The following ROBO1 variants were observed in gnomAD, a reference collection of about 807,000 sequenced individuals.
ROBO1 encodes the protein roundabout guidance receptor 1.
Under a neutral mutation model 195.9 loss-of-function variants are expected in ROBO1, and 149 were observed. The observed-to-expected ratio is 0.76, with a 90% CI of 0.67 to 0.87. The LOEUF (loss-of-function observed/expected upper bound fraction) is 0.87, where lower values mean the gene tolerates loss of function less well. ROBO1 is among the 40% of genes least tolerant of loss of function. ROBO1 has a pLI of 0.00. For missense variants in ROBO1, 1,933 were observed against 2,068.3 expected (o/e 0.93, Z 1.27); for synonymous variants, 816 against 733.2 (o/e 1.11, Z -1.82).
chr3:79,046,363 G>C (rs2078592131), intron 3 of ROBO1, among the ~76,000 whole-genome samples: 1 of 152,092 alleles, frequency 6.6e-6, no homozygotes, highest in Non-Finnish European at 1.5e-5. Context: ...CCAACATCTT[G>C]AATGCAGCTT....
intron 4 of ROBO1, among the ~76,000 whole-genome samples, chr3:78,865,798 A>G (rs1347076812): frequency 6.6e-6 from 1 of 152,150 alleles, no homozygotes; most frequent in African/African-American, 2.4e-5. Flanking sequence ...TACTATACAT[A>G]TAACATATTG....
Position 79,511,920 on chromosome 3 carries a change from G to T in ROBO1, c.88+77904C>A, listed in dbSNP as rs1052205356. Reference sequence around the variant, plus strand: ...GAACAACACACACTGGGGCCTATCAGAGGGTAAAAGGTGAGAGGAGGGAGA... The same window carrying T: ...GAACAACACACACTGGGGCCTATCATAGGGTAAAAGGTGAGAGGAGGGAGA... On this transcript the variant is annotated intron_variant, in intron 2 of 30. Transcript: ENST00000464233. 2.6e-5 allele frequency among the ~76,000 whole-genome samples: 4 copies of T among 152,108 alleles called. No individual in the cohort carries two copies. The East Asian group carries it at 5.8e-4, about 22-fold the overall frequency.
At chr3:79,658,688 A>T (rs1238747528) in intron 1 of ROBO1, among the ~76,000 whole-genome samples, 1 of 152,064 alleles carries the variant, frequency 6.6e-6, no homozygotes, top group Non-Finnish European at 1.5e-5. Context: ...ATTGGGATAA[A>T]TGGGGTATCC....
At chr3:79,746,326 C>A (rs546563921) in intron 1 of ROBO1, among the ~76,000 whole-genome samples, 1 of 151,816 alleles carries the variant, frequency 6.6e-6, no homozygotes, top group Non-Finnish European at 1.5e-5. Flanking sequence ...AAAAAGAAAT[C>A]GCCACTTTTT....
At chr3:79,254,315 T>A (rs970503872) in intron 2 of ROBO1, among the ~76,000 whole-genome samples, 5 of 152,138 alleles carry the variant, frequency 3.3e-5, no homozygotes, top group African/African-American at 9.7e-5. Flanking sequence ...AACTTACGTG[T>A]CTCTTTGGCT....
intron 2 of ROBO1, among the ~76,000 whole-genome samples, chr3:79,428,674 T>C (rs1285310917): frequency 1.3e-5 from 2 of 152,040 alleles, no homozygotes; most frequent in Non-Finnish European, 2.9e-5. Context: ...ACATGAAGAG[T>C]GTTTATATCA....
At chr3:79,177,183 A>C (rs1193440441) in intron 2 of ROBO1, among the ~76,000 whole-genome samples, 1 of 152,226 alleles carries the variant, frequency 6.6e-6, no homozygotes, top group East Asian at 1.9e-4. Flanking sequence ...CTGAACTGAA[A>C]GGGAAACTTA....
chr3:79,521,479 C>T (rs541991308), intron 2 of ROBO1, among the ~76,000 whole-genome samples: 8 of 152,146 alleles, frequency 5.3e-5, no homozygotes, highest in East Asian at 1.9e-4. Flanking sequence ...TGGTTACTTC[C>T]GACATCGATC....
In ROBO1 at chr3:78,597,957, A is replaced by G. The variant is rs1434707018; in HGVS notation, c.*956T>C. On this transcript the variant is annotated 3_prime_UTR_variant, in exon 31 of 31. Transcript: ENST00000464233. ...TGATTGTGCTTTTAAAACCAAAAAA[A>G]AAAAAAAAAAGAGAGAGAGATTAAA... is the stretch of plus-strand genomic sequence containing the variant. 6.6e-6 allele frequency: 1 copy of G among 152,206 alleles called. No homozygotes were observed. Among genetic ancestry groups the G allele is most frequent in the Non-Finnish European group, 1.5e-5 (1 of 67,896 alleles). The allele number at this position is 152,206 out of a possible 1,614,324, so 9.4% of individuals were successfully genotyped here.
chr3:79,519,987 G>T (rs1559960627), intron 2 of ROBO1, among the ~76,000 whole-genome samples: 1 of 151,848 alleles, frequency 6.6e-6, no homozygotes, highest in Non-Finnish European at 1.5e-5. Context: ...GAAAAGCCCC[G>T]CTGTGTAGAA....
At chr3:79,135,312 T>G (rs2108596348) in intron 2 of ROBO1, among the ~76,000 whole-genome samples, 1 of 152,254 alleles carries the variant, frequency 6.6e-6, no homozygotes, top group South Asian at 2.1e-4. Context: ...AATTGATAGA[T>G]CAGACAGTCA....
In ROBO1 at chr3:78,613,600, G is replaced by GA. The variant is rs1703940246; in HGVS notation, c.4435+1047dup. Among the ~76,000 whole-genome samples, 3 of 152,246 alleles carry GA rather than the reference G, an allele frequency of 2.0e-5. No individual in the cohort carries two copies. In the South Asian group the frequency reaches 6.2e-4, roughly 32 times the overall value. ...TAATATCAGATAGATGCCAGTGAGA[G>GA]AAAATACTCAGAATAAAGTATAGAT... On this transcript the variant is annotated intron_variant, in intron 28 of 30. Transcript: ENST00000464233.
chr3:79,461,176 G>A (rs1382387224), intron 2 of ROBO1, among the ~76,000 whole-genome samples: 1 of 151,926 alleles, frequency 6.6e-6, no homozygotes, highest in African/African-American at 2.4e-5. Flanking sequence ...GGCAATTATC[G>A]AATCATAATT....
intron 2 of ROBO1, among the ~76,000 whole-genome samples, chr3:79,486,201 T>C (rs1283694140): frequency 6.6e-6 from 1 of 152,104 alleles, no homozygotes; most frequent in Non-Finnish European, 1.5e-5. Flanking sequence ...TTTAAGTTTA[T>C]AATTACATTT....
chr3:79,631,562 G>A (rs1158555824), intron 1 of ROBO1, among the ~76,000 whole-genome samples: 1 of 151,956 alleles, frequency 6.6e-6, no homozygotes, highest in East Asian at 1.9e-4. Flanking sequence ...AAACTCTTCT[G>A]GACATGGACC....
At chr3:79,741,283 C>T (rs1995401) in intron 1 of ROBO1, among the ~76,000 whole-genome samples, 63,954 of 151,992 alleles carry the variant, frequency 0.42, 13,655 homozygotes, top group African/African-American at 0.47. Flanking sequence ...TTCCCTTATG[C>T]TACTGGTAAA....
chr3:79,029,975 C>T (rs1380560699), intron 3 of ROBO1, among the ~76,000 whole-genome samples: 4 of 152,184 alleles, frequency 2.6e-5, no homozygotes, highest in African/African-American at 9.7e-5. Flanking sequence ...TCCCAAAGTA[C>T]ATTAAGCATT....
At chr3:79,139,197 A>AT (rs1471173253) in intron 2 of ROBO1, among the ~76,000 whole-genome samples, 1 of 151,868 alleles carries the variant, frequency 6.6e-6, no homozygotes, top group Non-Finnish European at 1.5e-5. Context: ...TTAACATAAA[A>AT]TACACTATTG....
chr3:78,609,452 C>A (rs1320012876), intron 28 of ROBO1, among the ~76,000 whole-genome samples: 4 of 152,158 alleles, frequency 2.6e-5, no homozygotes, highest in Non-Finnish European at 5.9e-5. Context: ...TACCTGTCTT[C>A]CCATTCACAT....
Sources: gnomAD v4.1 joint callset for allele counts (sites outside exome capture counted in the v4.1 genomes callset) on GRCh38, gnomAD v4.1.1 for gene constraint, MANE v1.5 for transcripts, NCBI Gene and HGNC (gene_info 2026-07-23, HGNC 2026-07-21) for gene names.